The following MASTL variants were observed in gnomAD, a reference collection of about 807,000 sequenced individuals.
MASTL encodes the protein serine/threonine-protein kinase greatwall.
MASTL carries 54 observed loss-of-function variants against 82.5 expected under a neutral mutation model. The ratio of observed to expected loss-of-function variants is 0.65; its 90% CI spans 0.53 to 0.82. The LOEUF is 0.82. Among genes scored for constraint, MASTL ranks in the 40% least tolerant of loss-of-function variants. MASTL has a pLI of 0.00. For missense variants in MASTL, 950 were observed against 1,047.8 expected, an observed-to-expected ratio of 0.91 and a Z score of 1.29; for synonymous variants, 323 against 368.9, an observed-to-expected ratio of 0.88 and a Z score of 1.43.
chr10:27,169,801 GTT>G lies in MASTL; in HGVS notation c.985-142_985-141del, dbSNP rs2057861397. 6.9e-6 allele frequency: 5 copies of G among 720,380 alleles called. No individual in the cohort carries two copies. The Admixed American group carries it at 1.4e-4, about 20-fold the overall frequency. The allele number at this position is 720,380 out of a possible 1,614,324, so 44.6% of individuals were successfully genotyped here. A position where few individuals can be genotyped will look rare whatever the true frequency, so the allele number is the denominator to read the frequency against. ...TGCTTACATTGCTTTTTAATTCTCTGTTGTTTATTTTTTCCATTTGAAAGTGG... is the reference window on the plus strand; with the variant it reads ...TGCTTACATTGCTTTTTAATTCTCTGGTTTATTTTTTCCATTTGAAAGTGG... On this transcript the variant is annotated intron_variant, in intron 7 of 11. Transcript: ENST00000375940.
chr10:27,162,434 G>A (rs771101980), intron 4 of MASTL, among the ~76,000 whole-genome samples: 1 of 152,144 alleles, frequency 6.6e-6, no homozygotes, highest in Non-Finnish European at 1.5e-5. Flanking sequence ...AGGCCGAGGC[G>A]GGTAGATCAC....
intron 11 of MASTL, among the ~76,000 whole-genome samples, chr10:27,183,482 ACCATGTTGG>A (rs961355273): frequency 3.9e-5 from 6 of 151,914 alleles, no homozygotes; most frequent in Admixed American, 1.3e-4. Context: ...ATGGGGTTTC[ACCATGTTGG>A]CCAGGATGGT....
At chr10:27,169,892 T>A in intron 7 of MASTL, 52 bp from the exon 8 acceptor site, 1 of 1,578,700 alleles carries the variant, frequency 6.3e-7, no homozygotes, top group South Asian at 1.1e-5. Context: ...AGTTAAAAGG[T>A]CAATGAATCT....
intron 9 of MASTL, among the ~76,000 whole-genome samples, chr10:27,176,099 A>C (rs2058094087): frequency 6.7e-6 from 1 of 149,378 alleles, no homozygotes; most frequent in Non-Finnish European, 1.5e-5. Context: ...TCCATCTCAA[A>C]AAAAAAAAAA....
rs778156826 is a variant in MASTL, at chr10:27,155,487, G to A, written c.61G>A (p.Val21Met). ...AGGAGGCGCGGCGACTGAGGAGGGC[G>A]TGAATAGGATCGCAGTGCCAAAACC... The part of the protein sequence containing the change: ...PGGGAATEEG[V>M]NRIAVPKPPS... The change falls in exon 1 of 12, where the codon GTG becomes ATG. Residue 21 changes from valine (V) to methionine (M), a missense_variant. Transcript: ENST00000375940. 1 of 1,614,104 alleles carries A rather than the reference G, an allele frequency of 6.2e-7. No individual in the cohort carries two copies. The highest frequency in any genetic ancestry group is 1.3e-5 in the African/African-American group (1 of 75,070).
At chr10:27,168,295 A>G (rs768357679) in intron 7 of MASTL, among the ~76,000 whole-genome samples, 3 of 152,138 alleles carry the variant, frequency 2.0e-5, no homozygotes, top group Non-Finnish European at 4.4e-5. Context: ...CAGTACTATT[A>G]CTGCACTCCT....
chr10:27,172,454 A>G (rs907331253), intron 8 of MASTL, among the ~76,000 whole-genome samples: 3 of 152,102 alleles, frequency 2.0e-5, no homozygotes, highest in African/African-American at 7.2e-5. Flanking sequence ...CGGGAGATCG[A>G]GACCAGCCTG....
At chr10:27,175,066 C>T (rs1231629674) in intron 9 of MASTL, among the ~76,000 whole-genome samples, 1 of 151,954 alleles carries the variant, frequency 6.6e-6, no homozygotes, top group Non-Finnish European at 1.5e-5. Flanking sequence ...AAATAAGTTT[C>T]CACCCTTGTC....
chr10:27,180,986 G>C lies in MASTL; in HGVS notation c.2300G>C (p.Cys767Ser), dbSNP rs746280150. ...PAVDWWALGV[C>S]LFEFLTGIPP... Reference sequence around the variant, plus strand: ...GTAGACTGGTGGGCACTTGGAGTTTGCTTGTTTGAATTTCTAACAGGAATT... The same window carrying C: ...GTAGACTGGTGGGCACTTGGAGTTTCCTTGTTTGAATTTCTAACAGGAATT... The change falls in exon 10 of 12, where the codon TGC (cysteine) becomes TCC (serine). Residue 767 changes from cysteine (C) to serine (S), a missense_variant. Cys to Ser is a moderately radical substitution (Grantham distance 112). Transcript: ENST00000375940. 1.2e-6 allele frequency: 2 copies of C among 1,613,626 alleles called. No individual in the cohort carries two copies. Among genetic ancestry groups the C allele is most frequent in the South Asian group, 2.2e-5 (2 of 91,078 alleles).
chr10:27,178,673 A>G (rs79347035), intron 9 of MASTL, among the ~76,000 whole-genome samples: 6 of 143,228 alleles, frequency 4.2e-5, no homozygotes, highest in African/African-American at 1.5e-4. Flanking sequence ...GAAATCATGT[A>G]TTTTTTTTTT....
chr10:27,173,348 T>G, intron 9 of MASTL, 89 bp downstream of exon 9: 3 of 1,420,306 alleles, frequency 2.1e-6, no homozygotes, highest in Non-Finnish European at 3.0e-6. Flanking sequence ...CTTCAGTACT[T>G]ACGTTACCTA....
At chr10:27,182,188 T>G (rs1223660833) in intron 11 of MASTL, among the ~76,000 whole-genome samples, 4 of 151,494 alleles carry the variant, frequency 2.6e-5, no homozygotes, top group Admixed American at 2.0e-4. Flanking sequence ...GAGGCGGACA[T>G]TGCAGTGACC....
intron 6 of MASTL, among the ~76,000 whole-genome samples, chr10:27,166,854 C>T (rs866205743): frequency 5.3e-4 from 80 of 152,040 alleles, no homozygotes; most frequent in African/African-American, 1.9e-3. Flanking sequence ...CATAGCAGTA[C>T]TTGTGTCTAA....
chr10:27,163,644 A>G (rs1284476122), intron 4 of MASTL, among the ~76,000 whole-genome samples: 1 of 148,402 alleles, frequency 6.7e-6, no homozygotes, highest in African/African-American at 2.5e-5. Context: ...TTTCTTTGAG[A>G]CAGAGTCTCG....
At chr10:27,169,631 C>G (rs924425163) in intron 7 of MASTL, among the ~76,000 whole-genome samples, 1 of 151,908 alleles carries the variant, frequency 6.6e-6, no homozygotes, top group Non-Finnish European at 1.5e-5. Flanking sequence ...GTAATGCAGC[C>G]TTACCCCAAA....
intron 7 of MASTL, among the ~76,000 whole-genome samples, chr10:27,169,222 T>C (rs1049629467): frequency 1.3e-5 from 2 of 152,128 alleles, no homozygotes; most frequent in African/African-American, 2.4e-5. Flanking sequence ...AGGTCTATAA[T>C]TTTTCATTGA....
intron 9 of MASTL, among the ~76,000 whole-genome samples, chr10:27,180,731 C>G (rs112164028): frequency 6.6e-6 from 1 of 152,044 alleles, no homozygotes; most frequent in South Asian, 2.1e-4. Flanking sequence ...TCTGGTGATA[C>G]GTGGGCACAG....
At chr10:27,177,238 A>G (rs2058130634) in intron 9 of MASTL, among the ~76,000 whole-genome samples, 1 of 152,166 alleles carries the variant, frequency 6.6e-6, no homozygotes. Context: ...AATATTGGCA[A>G]TAGACATATT....
upstream of MASTL, chr10:27,155,176 T>G (rs936173932): frequency 5.5e-6 from 3 of 546,408 alleles, no homozygotes; most frequent in Non-Finnish European, 9.9e-6. Context: ...TTGTGCCTCC[T>G]CCCTCATGAG....
Sources: gnomAD v4.1 joint callset for allele counts (sites outside exome capture counted in the v4.1 genomes callset) on GRCh38, gnomAD v4.1.1 for gene constraint, MANE v1.5 for transcripts, NCBI Gene and HGNC (gene_info 2026-07-23, HGNC 2026-07-21) for gene names.